OIT3: variants seen among roughly 807,000 people sequenced by gnomAD.
OIT3 encodes oncoprotein-induced transcript 3 protein.
In OIT3, 41 loss-of-function variants were observed where a neutral mutation model predicts 52.2. The observed-to-expected ratio is 0.79, with a 90% CI of 0.61 to 1.02. OIT3 has a LOEUF of 1.02. OIT3 is among the 50% of genes least tolerant of loss of function. The pLI, the probability that OIT3 is intolerant of heterozygous loss-of-function variation, is 0.00. For missense variants in OIT3, 634 were observed against 715.5 expected, an observed-to-expected ratio of 0.89 and a Z score of 1.30; for synonymous variants, 244 against 276.9, an observed-to-expected ratio of 0.88 and a Z score of 1.18.
At chr10:72,925,630 C>A (rs938073696) in intron 7 of OIT3, among the ~76,000 whole-genome samples, 1 of 152,040 alleles carries the variant, frequency 6.6e-6, no homozygotes, top group African/African-American at 2.4e-5. Flanking sequence ...GGGTGGAGGG[C>A]AGTGCAGGGT....
intron 8 of OIT3, 35 bp downstream of exon 8, chr10:72,930,672 C>T (rs934803426): frequency 8.3e-7 from 1 of 1,197,968 alleles, no homozygotes; most frequent in Non-Finnish European, 1.2e-6. Flanking sequence ...AACCCCTGAA[C>T]CTGAGCCTTT....
intron 1 of OIT3, among the ~76,000 whole-genome samples, chr10:72,894,856 C>G (rs1845860734): frequency 6.6e-6 from 1 of 151,872 alleles, no homozygotes; most frequent in Non-Finnish European, 1.5e-5. Context: ...CCACTGCACT[C>G]CAGCCTGGGC....
chr10:72,932,584 C>T lies in OIT3; in HGVS notation c.*60C>T, dbSNP rs538497459. On this transcript the variant is annotated 3_prime_UTR_variant, in exon 9 of 9. Transcript: ENST00000334011. Reference sequence around the variant, plus strand: ...GCTCTGCTCTTTGGAGCTTCTCCCCCCACCGCCCTCTAAGAACATCTGCCA... The same window carrying T: ...GCTCTGCTCTTTGGAGCTTCTCCCCTCACCGCCCTCTAAGAACATCTGCCA... 2.1e-6 allele frequency: 3 copies of T among 1,454,748 alleles called. No homozygotes were observed. Among genetic ancestry groups the T allele is most frequent in the South Asian group, 2.7e-5 (2 of 73,930 alleles). The allele number at this position is 1,454,748 out of a possible 1,614,324, so 90.1% of individuals were successfully genotyped here. A position where few individuals can be genotyped will look rare whatever the true frequency, so the allele number is the denominator to read the frequency against.
At chr10:72,902,489 G>C (rs991431280) in intron 3 of OIT3, among the ~76,000 whole-genome samples, 1 of 152,072 alleles carries the variant, frequency 6.6e-6, no homozygotes, top group African/African-American at 2.4e-5. Context: ...TGCTTCCAGG[G>C]TTTCTACAGT....
intron 6 of OIT3, among the ~76,000 whole-genome samples, chr10:72,918,920 T>C (rs1006510508): frequency 3.5e-4 from 54 of 152,204 alleles, no homozygotes; most frequent in African/African-American, 1.2e-3. Context: ...TCCTCCAGCT[T>C]TGTTCTTTTG....
intron 2 of OIT3, among the ~76,000 whole-genome samples, chr10:72,899,327 T>C (rs1024376415): frequency 1.3e-5 from 2 of 152,220 alleles, no homozygotes; most frequent in African/African-American, 4.8e-5. Context: ...CCAGGCGCAG[T>C]GGCTCACGCC....
At chr10:72,913,751 G>T in intron 6 of OIT3, 1 of 537,806 alleles carries the variant, frequency 1.9e-6, no homozygotes, top group Non-Finnish European at 3.5e-6. Context: ...GGTACTGGGA[G>T]GCTGGCTACA....
intron 4 of OIT3, among the ~76,000 whole-genome samples, chr10:72,909,715 A>G (rs184060362): frequency 7.3e-5 from 11 of 151,700 alleles, no homozygotes; most frequent in Admixed American, 7.2e-4. Context: ...TCCTGCCTCA[A>G]CCTCCCCAGT....
In OIT3 at chr10:72,913,302, C is replaced by T. The variant is rs773297509; in HGVS notation, c.791-6C>T. The T allele has an allele frequency of 6.4e-7, 1 of 1,573,792 alleles. No individual in the cohort carries two copies. Among genetic ancestry groups the T allele is most frequent in the Non-Finnish European group, 8.7e-7 (1 of 1,151,520 alleles). ...TGGCTCTAACAGTGGCCCTTTTTCT[C>T]TGCAGTCCCTGTGTTGTGCAAATCA... On this transcript the variant is annotated splice_region_variant and splice_polypyrimidine_tract_variant and intron_variant, in intron 5 of 8. Transcript: ENST00000334011.
Position 72,911,809 on chromosome 10 carries a change from G to A in OIT3, c.760G>A (p.Val254Met). Residue 254 changes from valine (V) to methionine (M), a missense_variant, in exon 5 of 9, where the codon GTG becomes ATG. Physicochemically the swap from Val to Met is conservative, Grantham distance 21 (BLOSUM62 1). Coordinates refer to ENST00000334011, the MANE Select transcript of OIT3 (RefSeq NM_152635.3). ...CCAGTGTGAATGTCCCCGGGGCCTG[G>A]TGCTGTCTGAGGATAACCACACTTG... is the stretch of plus-strand genomic sequence containing the variant. ...GYQCECPRGL[V>M]LSEDNHTCQV... 6.2e-7 allele frequency: 1 copy of A among 1,613,756 alleles called. No homozygotes were observed. Among genetic ancestry groups the A allele is most frequent in the Non-Finnish European group, 8.5e-7 (1 of 1,179,784 alleles).
At chr10:72,921,591 G>C (rs764418742) in intron 6 of OIT3, among the ~76,000 whole-genome samples, 1 of 151,994 alleles carries the variant, frequency 6.6e-6, no homozygotes, top group Non-Finnish European at 1.5e-5. Context: ...TGTCTGAAAA[G>C]GATCTTATTT....
At chr10:72,902,249 G>T (rs1845940961) in intron 3 of OIT3, among the ~76,000 whole-genome samples, 1 of 152,098 alleles carries the variant, frequency 6.6e-6, no homozygotes, top group African/African-American at 2.4e-5. Context: ...CCACCCTCAT[G>T]TATTTCTGTT....
intron 7 of OIT3, among the ~76,000 whole-genome samples, chr10:72,928,180 G>A (rs1846185319): frequency 6.6e-6 from 1 of 152,050 alleles, no homozygotes; most frequent in African/African-American, 2.4e-5. Flanking sequence ...AATTTTGGTT[G>A]GCGTATGCTC....
At chr10:72,899,894 G>A (rs1184737962) in intron 2 of OIT3, among the ~76,000 whole-genome samples, 1 of 152,130 alleles carries the variant, frequency 6.6e-6, no homozygotes, top group Non-Finnish European at 1.5e-5. Context: ...TCCTGTCAAT[G>A]TCTGTATTCA....
intron 3 of OIT3, 123 bp from the exon 4 acceptor site, chr10:72,906,473 G>C (rs1009698850): frequency 3.7e-5 from 38 of 1,015,878 alleles, no homozygotes; most frequent in African/African-American, 1.4e-4. Context: ...TGGATCAGAG[G>C]GGGAGCTGGA....
rs113557267 is a variant in OIT3, at chr10:72,913,077, C to T, written c.791-231C>T. Among the ~76,000 whole-genome samples, 458 of 152,274 alleles carry T rather than the reference C, an allele frequency of 3.0e-3. 3 individuals carry two copies. Among genetic ancestry groups the T allele is most frequent in the Middle Eastern group, 0.01 (3 of 294 alleles). On this transcript the variant is annotated intron_variant, in intron 5 of 8. Coordinates refer to ENST00000334011, the MANE Select transcript of OIT3 (RefSeq NM_152635.3). ...AACCAATGTTTGGTGAATTGAAAGTCGAACCTGGTATTTCCTAATTCAGGG... is the reference window on the plus strand; with the variant it reads ...AACCAATGTTTGGTGAATTGAAAGTTGAACCTGGTATTTCCTAATTCAGGG...
intron 6 of OIT3, among the ~76,000 whole-genome samples, chr10:72,914,457 C>T (rs563060664): frequency 6.6e-6 from 1 of 152,144 alleles, no homozygotes; most frequent in Non-Finnish European, 1.5e-5. Flanking sequence ...AAATGAAAAT[C>T]AGAAAGCTGA....
At chr10:72,905,534 G>A (rs571993944) in intron 3 of OIT3, among the ~76,000 whole-genome samples, 35 of 152,128 alleles carry the variant, frequency 2.3e-4, no homozygotes, top group Non-Finnish European at 4.3e-4. Context: ...CACCTGGTTT[G>A]AGGAAGTTTT....
intron 7 of OIT3, among the ~76,000 whole-genome samples, chr10:72,926,624 C>T (rs974724787): frequency 1.7e-4 from 26 of 152,164 alleles, no homozygotes; most frequent in African/African-American, 6.0e-4. Context: ...ATTCTTGTAG[C>T]CTCCTTAAGC....
Sources: allele counts gnomAD v4.1 joint callset (sites outside exome capture counted in the v4.1 genomes callset), GRCh38; gene constraint gnomAD v4.1.1; transcripts MANE v1.5; gene names NCBI Gene and HGNC (gene_info 2026-07-23, HGNC 2026-07-21).